The following KCNH1 variants were observed in gnomAD, a reference collection of about 807,000 sequenced individuals.
KCNH1 encodes the protein potassium voltage-gated channel subfamily H member 1, also known as voltage-gated delayed rectifier potassium channel KCNH1.
A neutral mutation model predicts 69.2 loss-of-function variants in KCNH1; 27 were observed. The ratio of observed to expected loss-of-function variants is 0.39; its 90% CI spans 0.29 to 0.54. The LOEUF (loss-of-function observed/expected upper bound fraction) is 0.54. Ranked by LOEUF, KCNH1 falls within the 20% of genes least tolerant of loss-of-function variation. KCNH1 has a pLI of 0.68. For missense variants in KCNH1, 798 were observed against 1,261.6 expected (o/e 0.63, Z 5.57); for synonymous variants, 456 against 487.7 (o/e 0.93, Z 0.86).
chr1:210,751,478 C>A (rs1441910588), intron 10 of KCNH1, among the ~76,000 whole-genome samples: 1 of 152,104 alleles, frequency 6.6e-6, no homozygotes, highest in Non-Finnish European at 1.5e-5. Flanking sequence ...GTAGGGCAAC[C>A]AATGATCCCA....
chr1:210,721,494 G>A (rs1682455961), intron 10 of KCNH1, among the ~76,000 whole-genome samples: 1 of 152,188 alleles, frequency 6.6e-6, no homozygotes. Flanking sequence ...AATGAGATCT[G>A]AGATATAAAC....
intron 10 of KCNH1, among the ~76,000 whole-genome samples, chr1:210,763,893 A>T (rs1261693370): frequency 6.6e-6 from 1 of 152,170 alleles, no homozygotes; most frequent in Non-Finnish European, 1.5e-5. Flanking sequence ...TGGAACCAAA[A>T]AACAGCGCAA....
chr1:211,092,396 C>G (rs991057054), intron 3 of KCNH1, among the ~76,000 whole-genome samples: 2 of 152,226 alleles, frequency 1.3e-5, no homozygotes, highest in African/African-American at 4.8e-5. Context: ...AATGTACAAA[C>G]AGGCAGCAAG....
chr1:211,024,331 C>T (rs979358199), intron 5 of KCNH1, among the ~76,000 whole-genome samples: 1 of 152,082 alleles, frequency 6.6e-6, no homozygotes, highest in African/African-American at 2.4e-5. Context: ...AAAGAATCAG[C>T]CATTTAAGTT....
chr1:211,072,349 A>C (rs1470883880), intron 5 of KCNH1, among the ~76,000 whole-genome samples: 2 of 152,242 alleles, frequency 1.3e-5, no homozygotes, highest in East Asian at 1.9e-4. Flanking sequence ...CCTGCCTTGC[A>C]AGAAATGTCA....
intron 6 of KCNH1, among the ~76,000 whole-genome samples, chr1:211,008,440 T>C (rs548110482): frequency 6.6e-6 from 1 of 152,284 alleles, no homozygotes; most frequent in South Asian, 2.1e-4. Flanking sequence ...TTTAGGGTGG[T>C]TTCTTATGCA....
rs749586546 is a variant in KCNH1, at chr1:211,037,958, CT to C, written c.559-18703del. 2.8e-3 allele frequency among the ~76,000 whole-genome samples: 347 copies of C among 123,098 alleles called. 3 individuals are homozygous for C. Among genetic ancestry groups the C allele is most frequent in the East Asian group, 5.2e-3 (21 of 4,076 alleles). The allele number at this position is 123,098 out of a possible 152,430, so 80.8% of individuals were successfully genotyped here. A position where few individuals can be genotyped will look rare whatever the true frequency, so the allele number is the denominator to read the frequency against. On this transcript the variant is annotated intron_variant, in intron 5 of 10. Transcript: ENST00000271751. ...GGGGTTTCCACTTTTGCTTCTCCCT[CT>C]TTTTTTTTTTTTTTTTTTGAGATGG...
At chr1:210,786,124 C>T (rs185625898) in intron 9 of KCNH1, among the ~76,000 whole-genome samples, 202 of 152,324 alleles carry the variant, frequency 1.3e-3, no homozygotes, top group Middle Eastern at 3.4e-3. Flanking sequence ...TCTCAGGCTA[C>T]TTTAATCTTG....
At chr1:210,981,143 G>A (rs746041864) in intron 6 of KCNH1, among the ~76,000 whole-genome samples, 2 of 152,040 alleles carry the variant, frequency 1.3e-5, no homozygotes, top group African/African-American at 2.4e-5. Flanking sequence ...AGCCACTCAC[G>A]ATCTCACCTG....
chr1:211,098,502 C>T (rs1691199958), intron 3 of KCNH1, among the ~76,000 whole-genome samples: 1 of 152,076 alleles, frequency 6.6e-6, no homozygotes, highest in Admixed American at 6.5e-5. Context: ...CATTCCAAAC[C>T]ATACCATGAA....
intron 7 of KCNH1, among the ~76,000 whole-genome samples, chr1:210,890,180 T>C (rs765334111): frequency 2.0e-5 from 3 of 152,168 alleles, no homozygotes; most frequent in Admixed American, 6.5e-5. Flanking sequence ...AGCTCGGTAC[T>C]GGTACCAAAA....
chr1:210,713,803 A>G (rs1207213911), intron 10 of KCNH1, among the ~76,000 whole-genome samples: 1 of 152,188 alleles, frequency 6.6e-6, no homozygotes, highest in East Asian at 1.9e-4. Flanking sequence ...GTTGTATTAA[A>G]GACAATATAT....
intron 9 of KCNH1, among the ~76,000 whole-genome samples, chr1:210,796,104 G>A (rs1558473061): frequency 6.7e-6 from 1 of 148,824 alleles, no homozygotes; most frequent in Non-Finnish European, 1.5e-5. Flanking sequence ...GCAGTGAGCC[G>A]AGAGCATGCC....
rs548851874 is a variant in KCNH1, at chr1:210,860,544, T to G, written c.1463-56378A>C. ...ATGTCATTGCCAACTGTTGTGTCATTTCTACTGCAATAGGAGTAACTTCTT... is the reference window on the plus strand; with the variant it reads ...ATGTCATTGCCAACTGTTGTGTCATGTCTACTGCAATAGGAGTAACTTCTT... On this transcript the variant is annotated intron_variant, in intron 7 of 10. Coordinates refer to ENST00000271751, the MANE Select transcript of KCNH1 (RefSeq NM_172362.3). 3.6e-5 allele frequency: 31 copies of G among 859,536 alleles called. No homozygotes were observed. In the African/African-American group the frequency reaches 4.6e-4, roughly 13 times the overall value. The allele number at this position is 859,536 out of a possible 1,614,324, so 53.2% of individuals were successfully genotyped here. A position where few individuals can be genotyped will look rare whatever the true frequency, so the allele number is the denominator to read the frequency against.
chr1:210,861,296 G>C (rs1685973331), intron 7 of KCNH1: 2 of 872,114 alleles, frequency 2.3e-6, no homozygotes, highest in Non-Finnish European at 4.0e-6. Flanking sequence ...TTGATTAATA[G>C]AATTTAATGT....
intron 7 of KCNH1, among the ~76,000 whole-genome samples, chr1:210,807,445 A>G (rs1426030887): frequency 2.0e-5 from 3 of 151,976 alleles, no homozygotes; most frequent in Non-Finnish European, 4.4e-5. Context: ...TCTCTACTAA[A>G]AAAACAAACA....
intron 7 of KCNH1, among the ~76,000 whole-genome samples, chr1:210,811,240 C>T (rs1286081942): frequency 6.6e-6 from 1 of 152,170 alleles, no homozygotes; most frequent in Non-Finnish European, 1.5e-5. Context: ...CCCAACTGCA[C>T]AGAATGAGAA....
Position 211,090,547 on chromosome 1 carries a change from G to C in KCNH1, c.439+15C>G. The C allele has an allele frequency of 6.3e-7, 1 of 1,591,600 alleles. No individual in the cohort carries two copies. On this transcript the variant is annotated intron_variant, in intron 4 of 10. Coordinates refer to ENST00000271751, the MANE Select transcript of KCNH1 (RefSeq NM_172362.3). ...AAAAGGCATAAATGTATTTGTACAA[G>C]TCAGAATTACAAACCTTTACATGAA...
chr1:210,807,881 G>C lies in KCNH1; in HGVS notation c.1463-3715C>G, dbSNP rs189700878. 2.4e-3 allele frequency among the ~76,000 whole-genome samples: 370 copies of C among 152,256 alleles called. 4 individuals are homozygous for C. Among genetic ancestry groups the C allele is most frequent in the Non-Finnish European group, 1.2e-3 (84 of 68,004 alleles). On this transcript the variant is annotated intron_variant, in intron 7 of 10. Coordinates refer to ENST00000271751, the MANE Select transcript of KCNH1 (RefSeq NM_172362.3). Reference sequence around the variant, plus strand: ...TAAGAGAGAAATGCATGGATCTAGAGATAAGGGAAGGACTGAGGACACAAA... The same window carrying C: ...TAAGAGAGAAATGCATGGATCTAGACATAAGGGAAGGACTGAGGACACAAA...
Sources: allele counts gnomAD v4.1 joint callset (sites outside exome capture counted in the v4.1 genomes callset), GRCh38; gene constraint gnomAD v4.1.1; transcripts MANE v1.5; gene names NCBI Gene and HGNC (gene_info 2026-07-23, HGNC 2026-07-21).